The following JAM2 variants were observed in gnomAD, a reference collection of about 807,000 sequenced individuals.
JAM2 encodes junctional adhesion molecule B.
A neutral mutation model predicts 42.0 loss-of-function variants in JAM2; 17 were observed. The ratio of observed to expected loss-of-function variants is 0.40; its 90% confidence interval spans 0.28 to 0.61. JAM2 has a LOEUF of 0.61. Ranked by LOEUF, JAM2 falls within the 20% of genes least tolerant of loss-of-function variation. The pLI is 0.37. For missense variants in JAM2, 319 were observed against 358.3 expected (o/e 0.89, Z 0.89); for synonymous variants, 118 against 128.6 (o/e 0.92, Z 0.56).
chr21:25,681,835 A>G (rs2033638910), intron 1 of JAM2, among the ~76,000 whole-genome samples: 1 of 152,086 alleles, frequency 6.6e-6, no homozygotes, highest in Non-Finnish European at 1.5e-5. Flanking sequence ...ACAAAAAATT[A>G]GCCGGGCGTC....
At chr21:25,709,715 G>A (rs111389339) in intron 8 of JAM2, 55 of 296,214 alleles carry the variant, frequency 1.9e-4, no homozygotes, top group Middle Eastern at 9.8e-4. Context: ...CACCAACACT[G>A]CTTGGCTTTT....
At position 25,713,332 on chromosome 21, in the gene JAM2, CA is replaced by C. The variant is rs538445218; in HGVS notation, c.864+951del. On this transcript the variant is annotated intron_variant, in intron 9 of 9. Transcript: ENST00000480456. ...TTTAGACACTTGGACCCTTTGTAAA[CA>C]CTACATTGATGCAGCAAATACCATT... Among the ~76,000 whole-genome samples, 6 of 152,262 alleles carry C rather than the reference CA, an allele frequency of 3.9e-5. No individual in the cohort carries two copies. In the East Asian group the frequency reaches 1.2e-3, roughly 29 times the overall value.
intron 1 of JAM2, among the ~76,000 whole-genome samples, chr21:25,650,327 T>C (rs566276909): frequency 6.6e-6 from 1 of 152,340 alleles, no homozygotes; most frequent in Admixed American, 6.5e-5. Context: ...CTTTTAATGA[T>C]TTTGTGGGAT....
At chr21:25,697,214 G>C (rs1355699298) in intron 4 of JAM2, among the ~76,000 whole-genome samples, 1 of 152,046 alleles carries the variant, frequency 6.6e-6, no homozygotes, top group East Asian at 1.9e-4. Flanking sequence ...TGCTTTTAAA[G>C]GTTCATGTGA....
chr21:25,675,396 C>T (rs192267861), intron 1 of JAM2, among the ~76,000 whole-genome samples: 43 of 151,730 alleles, frequency 2.8e-4, no homozygotes, highest in African/African-American at 9.4e-4. Flanking sequence ...CTCGGGAGGC[C>T]GAAGCACGAA....
chr21:25,695,885 G>T (rs1489995783), intron 4 of JAM2, among the ~76,000 whole-genome samples: 2 of 151,222 alleles, frequency 1.3e-5, no homozygotes, highest in Non-Finnish European at 2.9e-5. Context: ...CCGGGAAGAG[G>T]CGCTCCTCAC....
At position 25,693,999 on chromosome 21, in the gene JAM2, C is replaced by T. The variant is rs1219820431; in HGVS notation, c.394+91C>T. The T allele has an allele frequency of 2.4e-6, 3 of 1,242,940 alleles. No homozygotes were observed. The African/African-American group carries it at 4.6e-5, about 19-fold the overall frequency. 77.0% of individuals were successfully genotyped at this position (1,242,940 alleles called of 1,614,324 possible). A position where few individuals can be genotyped will look rare whatever the true frequency, so the allele number is the denominator to read the frequency against. Reference sequence around the variant, plus strand: ...AGCAAGCACTGGTCCATAAACATGCCAGCATCAACTGGGAGCCTCAACCAG... The same window carrying T: ...AGCAAGCACTGGTCCATAAACATGCTAGCATCAACTGGGAGCCTCAACCAG... On this transcript the variant is annotated intron_variant, in intron 4 of 9. Coordinates refer to ENST00000480456, the MANE Select transcript of JAM2 (RefSeq NM_021219.4).
At chr21:25,656,191 AAG>A (rs2032935554) in intron 1 of JAM2, among the ~76,000 whole-genome samples, 2 of 152,218 alleles carry the variant, frequency 1.3e-5, no homozygotes, top group Admixed American at 6.5e-5. Context: ...AATATAAAAA[AAG>A]AGTTGATTAA....
At chr21:25,699,644 AC>A (rs1342266891) in intron 5 of JAM2, among the ~76,000 whole-genome samples, 4 of 146,478 alleles carry the variant, frequency 2.7e-5, no homozygotes, top group Non-Finnish European at 4.5e-5. Flanking sequence ...AATGGCGTGA[AC>A]CCGGGAGGCG....
chr21:25,714,270 G>C, intron 9 of JAM2: 3 of 1,250,406 alleles, frequency 2.4e-6, no homozygotes, highest in Non-Finnish European at 3.2e-6. Context: ...ACTTTGGAAG[G>C]CCGCGGCGGG....
chr21:25,708,805 T>C (rs576935632), intron 7 of JAM2, among the ~76,000 whole-genome samples: 1 of 152,258 alleles, frequency 6.6e-6, no homozygotes, highest in East Asian at 1.9e-4. Context: ...TCCTAAAATA[T>C]TGAATTAATT....
intron 1 of JAM2, among the ~76,000 whole-genome samples, chr21:25,673,910 A>G (rs1181156670): frequency 9.9e-5 from 15 of 152,158 alleles, no homozygotes; most frequent in Non-Finnish European, 1.5e-5. Flanking sequence ...AGTTTCCCCC[A>G]TACTGTTTTC....
intron 2 of JAM2, among the ~76,000 whole-genome samples, chr21:25,689,069 G>A (rs1476802474): frequency 2.6e-5 from 4 of 151,520 alleles, no homozygotes; most frequent in Admixed American, 2.0e-4. Flanking sequence ...AAAAGAAGGG[G>A]GTTCCTTTGG....
At chr21:25,696,256 C>T (rs1470065204) in intron 4 of JAM2, among the ~76,000 whole-genome samples, 1 of 152,136 alleles carries the variant, frequency 6.6e-6, no homozygotes, top group Non-Finnish European at 1.5e-5. Flanking sequence ...GGCGTGGCGG[C>T]GCGCGCCTGC....
intron 8 of JAM2, chr21:25,709,786 C>T: frequency 4.8e-6 from 1 of 207,686 alleles, no homozygotes; most frequent in Non-Finnish European, 9.7e-6. Flanking sequence ...AGGCACGTCA[C>T]ATGGCAAAAG....
intron 1 of JAM2, among the ~76,000 whole-genome samples, chr21:25,664,252 T>C (rs1348937630): frequency 6.6e-6 from 1 of 152,176 alleles, no homozygotes; most frequent in Admixed American, 6.5e-5. Flanking sequence ...TATTTTTTTT[T>C]TGAGACAGAG....
chr21:25,691,613 C>T (rs555612274), intron 3 of JAM2, among the ~76,000 whole-genome samples: 36 of 152,238 alleles, frequency 2.4e-4, no homozygotes, highest in African/African-American at 8.2e-4. Flanking sequence ...TTACGTGAGC[C>T]ACCACACATA....
At position 25,714,323 on chromosome 21, in the gene JAM2, G is replaced by A. The variant is rs545427284; in HGVS notation, c.865-317G>A. The stretch of plus-strand genomic sequence containing the variant: ...AGTTCTAGACCAGTCTGGCCAATAT[G>A]GTGAAACCCCATCTCTACTAAAATA... On this transcript the variant is annotated intron_variant, in intron 9 of 9. Transcript: ENST00000480456. 5.9e-5 allele frequency: 39 copies of A among 660,864 alleles called. No homozygotes were observed. In the East Asian group the frequency reaches 2.2e-3, roughly 38 times the overall value. 40.9% of individuals were successfully genotyped at this position (660,864 alleles called of 1,614,324 possible).
At chr21:25,653,307 C>A (rs1201297402) in intron 1 of JAM2, among the ~76,000 whole-genome samples, 1 of 152,118 alleles carries the variant, frequency 6.6e-6, no homozygotes, top group Non-Finnish European at 1.5e-5. Context: ...TACCATTCCA[C>A]ACTAACAATG....
Sources: allele counts gnomAD v4.1 joint callset (sites outside exome capture counted in the v4.1 genomes callset), GRCh38; gene constraint gnomAD v4.1.1; transcripts MANE v1.5; gene names NCBI Gene and HGNC (gene_info 2026-07-23, HGNC 2026-07-21).